Variants in SEMA6D observed in about 807,000 individuals in gnomAD.
The protein encoded by SEMA6D is semaphorin-6D.
Under a neutral mutation model 106.6 loss-of-function variants are expected in SEMA6D, and 35 were observed. The observed-to-expected ratio is 0.33, with a 90% confidence interval of 0.25 to 0.44. The LOEUF is 0.44. Ranked by LOEUF, SEMA6D falls within the 20% of genes least tolerant of loss-of-function variation. SEMA6D has a pLI of 1.00. For synonymous variants in SEMA6D, 499 were observed against 487.7 expected (o/e 1.02, Z -0.31); for missense variants, 1,185 against 1,345.9 (o/e 0.88, Z 1.87).
At chr15:47,242,797 G>T (rs538472594) in intron 1 of SEMA6D, among the ~76,000 whole-genome samples, 1 of 152,024 alleles carries the variant, frequency 6.6e-6, no homozygotes, top group South Asian at 2.1e-4. Flanking sequence ...AACAAGTAGA[G>T]GTGACTCTCA....
chr15:47,412,073 A>T (rs2040817432), intron 1 of SEMA6D, among the ~76,000 whole-genome samples: 1 of 152,120 alleles, frequency 6.6e-6, no homozygotes, highest in Non-Finnish European at 1.5e-5. Context: ...TTTCCCCCAC[A>T]GAGACCATGT....
At chr15:47,654,969 T>A (rs1426123542) in intron 4 of SEMA6D, among the ~76,000 whole-genome samples, 1 of 152,166 alleles carries the variant, frequency 6.6e-6, no homozygotes, top group Non-Finnish European at 1.5e-5. Context: ...ATCCTCATCA[T>A]CTTCTCACTG....
intron 1 of SEMA6D, among the ~76,000 whole-genome samples, chr15:47,242,904 C>G (rs2032996545): frequency 6.6e-6 from 1 of 152,034 alleles, no homozygotes. Flanking sequence ...TCTTAGAGAA[C>G]TGAGGTTAAC....
chr15:47,564,107 A>G (rs2046159534), intron 3 of SEMA6D, among the ~76,000 whole-genome samples: 1 of 152,222 alleles, frequency 6.6e-6, no homozygotes, highest in Admixed American at 6.5e-5. Context: ...TCATTTATAA[A>G]TCATGGAGTG....
At chr15:47,313,225 A>G (rs2036515422) in intron 1 of SEMA6D, among the ~76,000 whole-genome samples, 1 of 152,202 alleles carries the variant, frequency 6.6e-6, no homozygotes, top group Non-Finnish European at 1.5e-5. Context: ...TTATAGTGTC[A>G]TACAGGGTAT....
At chr15:47,228,843 A>T (rs1036648147) in intron 1 of SEMA6D, among the ~76,000 whole-genome samples, 1 of 152,034 alleles carries the variant, frequency 6.6e-6, no homozygotes, top group African/African-American at 2.4e-5. Context: ...GTATGTAAGG[A>T]TGAGGTTTCA....
intron 4 of SEMA6D, among the ~76,000 whole-genome samples, chr15:47,641,510 A>G (rs2077488849): frequency 6.6e-6 from 1 of 152,194 alleles, no homozygotes; most frequent in Non-Finnish European, 1.5e-5. Context: ...AGTGAAGGTT[A>G]GAGGAATCTG....
At chr15:47,744,764 C>T (rs1435867699) in intron 1 of SEMA6D, among the ~76,000 whole-genome samples, 1 of 152,226 alleles carries the variant, frequency 6.6e-6, no homozygotes, top group Non-Finnish European at 1.5e-5. Context: ...AGAGGGAGCA[C>T]ATGCACTTTG....
chr15:47,676,299 C>T (rs141064148), intron 4 of SEMA6D, among the ~76,000 whole-genome samples: 3 of 152,258 alleles, frequency 2.0e-5, no homozygotes, highest in East Asian at 1.9e-4. Flanking sequence ...TGGAGATCAC[C>T]TCATTATCCA....
At chr15:47,204,558 G>A (rs1894930870) in intron 1 of SEMA6D, among the ~76,000 whole-genome samples, 1 of 152,046 alleles carries the variant, frequency 6.6e-6, no homozygotes, top group Non-Finnish European at 1.5e-5. Context: ...CTTATTTATA[G>A]GTTTTGGACC....
chr15:47,641,067 G>C (rs1418145962), intron 4 of SEMA6D, among the ~76,000 whole-genome samples: 1 of 152,152 alleles, frequency 6.6e-6, no homozygotes, highest in Non-Finnish European at 1.5e-5. Context: ...TAAATGGAGC[G>C]GAGTGGGAGG....
At chr15:47,365,886 GAGAGGAGAGAGAGA>G (rs1489845588) in intron 1 of SEMA6D, among the ~76,000 whole-genome samples, 65 of 59,318 alleles carry the variant, frequency 1.1e-3, no homozygotes, top group East Asian at 3.7e-3. Context: ...GAGAGAGAGA[GAGAGGAGAGAGAGA>G]GAGAGAGAGA....
In SEMA6D at chr15:47,310,273, A is replaced by AT. The variant is rs2036398111; in HGVS notation, c.-238-102119dup. On this transcript the variant is annotated intron_variant, in intron 1 of 19. Transcript: ENST00000558014. The stretch of plus-strand genomic sequence containing the variant: ...GGGTTTAGAAACCATATGCCCCATC[A>AT]TATAATGAACTGAAAGATAAAAGCA... Among the ~76,000 whole-genome samples the AT allele has an allele frequency of 2.6e-5, 4 of 152,322 alleles. No homozygotes were observed. In the South Asian group the frequency reaches 8.3e-4, roughly 32 times the overall value.
At chr15:47,308,263 C>T (rs539674112) in intron 1 of SEMA6D, among the ~76,000 whole-genome samples, 22 of 152,206 alleles carry the variant, frequency 1.4e-4, no homozygotes, top group Admixed American at 1.1e-3. Flanking sequence ...GCCACATGGC[C>T]ATTGTATGTT....
chr15:47,483,730 C>T (rs539261362), intron 3 of SEMA6D, among the ~76,000 whole-genome samples: 1 of 152,184 alleles, frequency 6.6e-6, no homozygotes, highest in East Asian at 1.9e-4. Flanking sequence ...ATAGAACAAC[C>T]ATAAATATCA....
intron 4 of SEMA6D, among the ~76,000 whole-genome samples, chr15:47,628,990 G>A (rs1213720392): frequency 6.6e-6 from 1 of 152,002 alleles, no homozygotes; most frequent in Non-Finnish European, 1.5e-5. Flanking sequence ...TTGATGAAAA[G>A]CCTGTCCTTC....
At chr15:47,256,153 C>T (rs2033793495) in intron 1 of SEMA6D, among the ~76,000 whole-genome samples, 2 of 152,148 alleles carry the variant, frequency 1.3e-5, no homozygotes, top group South Asian at 4.1e-4. Context: ...TTATTCCTCT[C>T]TGTCAAAATT....
At chr15:47,328,121 C>T (rs1468593867) in intron 1 of SEMA6D, among the ~76,000 whole-genome samples, 1 of 152,106 alleles carries the variant, frequency 6.6e-6, no homozygotes, top group Non-Finnish European at 1.5e-5. Context: ...AGCTGCAGAA[C>T]AAATTGTTAA....
chr15:47,635,605 A>G (rs999709205), intron 4 of SEMA6D, among the ~76,000 whole-genome samples: 10 of 152,214 alleles, frequency 6.6e-5, no homozygotes, highest in Non-Finnish European at 1.3e-4. Context: ...TCGAAAAATG[A>G]GAGCAGTCTT....
Sources: allele counts gnomAD v4.1 joint callset (sites outside exome capture counted in the v4.1 genomes callset), GRCh38; gene constraint gnomAD v4.1.1; transcripts MANE v1.5; gene names NCBI Gene and HGNC (gene_info 2026-07-23, HGNC 2026-07-21).